The following SLC4A4 variants were observed in gnomAD, a reference collection of about 807,000 sequenced individuals.
SLC4A4 encodes the protein solute carrier family 4 member 4.
SLC4A4 carries 27 observed loss-of-function variants against 111.5 expected under a neutral mutation model. The observed-to-expected ratio is 0.24, with a 90% CI of 0.18 to 0.33. The LOEUF (loss-of-function observed/expected upper bound fraction) is 0.33. SLC4A4 is among the 10% of genes least tolerant of loss of function. The pLI, the probability that SLC4A4 is intolerant of heterozygous loss-of-function variation, is 1.00. For missense variants in SLC4A4, 909 were observed against 1,315.5 expected, an observed-to-expected ratio of 0.69 and a Z score of 4.78; for synonymous variants, 443 against 463.4, an observed-to-expected ratio of 0.96 and a Z score of 0.57.
chr4:71,269,696 TCCTCGTAAGAA>T (rs990095214), intron 3 of SLC4A4, among the ~76,000 whole-genome samples: 1 of 152,230 alleles, frequency 6.6e-6, no homozygotes, highest in African/African-American at 2.4e-5. Flanking sequence ...TTATGTTTAA[TCCTCGTAAGAA>T]CCTTGTGAGA....
At chr4:71,154,422 G>A (rs1744403748) in intron 2 of SLC4A4, among the ~76,000 whole-genome samples, 1 of 152,128 alleles carries the variant, frequency 6.6e-6, no homozygotes, top group African/African-American at 2.4e-5. Context: ...GGGATACACA[G>A]CATAAGAATA....
chr4:71,486,903 T>C, intron 14 of SLC4A4, 45 bp from the exon 15 acceptor site: 1 of 1,258,124 alleles, frequency 7.9e-7, no homozygotes. Context: ...AAGGTCTTTT[T>C]CTATTTTAGT....
chr4:71,530,715 G>C (rs1013481631), intron 16 of SLC4A4, among the ~76,000 whole-genome samples: 26 of 152,076 alleles, frequency 1.7e-4, no homozygotes, highest in African/African-American at 5.8e-4. Flanking sequence ...TAAAGGTCAA[G>C]CATTGAACAC....
At chr4:71,193,062 C>T (rs1024580186) in intron 1 of SLC4A4, among the ~76,000 whole-genome samples, 2 of 152,188 alleles carry the variant, frequency 1.3e-5, no homozygotes, top group East Asian at 3.8e-4. Flanking sequence ...TTTAGAAGAA[C>T]GCCACAGTAC....
chr4:71,349,848 G>T, intron 4 of SLC4A4, 64 bp from the exon 5 acceptor site: 1 of 1,524,968 alleles, frequency 6.6e-7, no homozygotes, highest in East Asian at 2.3e-5. Context: ...GAGGGGTTGA[G>T]ACTGCTATTT....
At chr4:71,241,416 G>A (rs150312343) in intron 2 of SLC4A4, among the ~76,000 whole-genome samples, 1,723 of 152,138 alleles carry the variant, frequency 0.011, 42 homozygotes, top group African/African-American at 0.039. Context: ...ACATTTTACA[G>A]ACATGAAATC....
intron 1 of SLC4A4, among the ~76,000 whole-genome samples, chr4:71,225,502 G>T (rs919542884): frequency 6.6e-6 from 1 of 152,164 alleles, no homozygotes; most frequent in Non-Finnish European, 1.5e-5. Flanking sequence ...CATGTATGTT[G>T]CTTAGCACAC....
chr4:71,413,892 C>A (rs1008136114), intron 7 of SLC4A4, among the ~76,000 whole-genome samples: 11 of 152,110 alleles, frequency 7.2e-5, no homozygotes, highest in Admixed American at 1.3e-4. Flanking sequence ...CTGTGCATCT[C>A]TTCCCCCTTG....
At chr4:71,206,347 A>C (rs1220862089) in intron 1 of SLC4A4, among the ~76,000 whole-genome samples, 1 of 152,224 alleles carries the variant, frequency 6.6e-6, no homozygotes, top group African/African-American at 2.4e-5. Context: ...CTATAGCCAC[A>C]TTTAAATTAT....
At chr4:71,562,113 G>A (rs1280103945) in intron 23 of SLC4A4, among the ~76,000 whole-genome samples, 4 of 151,560 alleles carry the variant, frequency 2.6e-5, no homozygotes, top group Non-Finnish European at 4.4e-5. Context: ...GTGTTTTTTT[G>A]TATTAATATT....
chr4:71,394,594 CAG>C (rs1719627625), intron 6 of SLC4A4, among the ~76,000 whole-genome samples: 1 of 152,028 alleles, frequency 6.6e-6, no homozygotes, highest in South Asian at 2.1e-4. Flanking sequence ...AACTGGAAAA[CAG>C]TGTAGAAATT....
chr4:71,253,891 C>A (rs1430034611), intron 2 of SLC4A4, among the ~76,000 whole-genome samples: 1 of 152,184 alleles, frequency 6.6e-6, no homozygotes, highest in African/African-American at 2.4e-5. Flanking sequence ...CTTTTGAATA[C>A]TAACCCATTC....
At chr4:71,557,032 A>G (rs1736536351) in intron 21 of SLC4A4, among the ~76,000 whole-genome samples, 2 of 151,918 alleles carry the variant, frequency 1.3e-5, no homozygotes, top group East Asian at 1.9e-4. Flanking sequence ...GATGCTCAGT[A>G]GTTATTTCAA....
intron 2 of SLC4A4, among the ~76,000 whole-genome samples, chr4:71,247,699 T>A (rs1031109016): frequency 6.6e-6 from 1 of 152,192 alleles, no homozygotes; most frequent in Non-Finnish European, 1.5e-5. Context: ...TGTTGGAAAC[T>A]GTCAGTTCTC....
At chr4:71,426,448 A>G (rs1723147031) in intron 7 of SLC4A4, among the ~76,000 whole-genome samples, 1 of 152,088 alleles carries the variant, frequency 6.6e-6, no homozygotes, top group South Asian at 2.1e-4. Flanking sequence ...AATAAGGGGG[A>G]TGCTGCTCAA....
rs368633117 is a variant in SLC4A4 at position 71,387,590 on chromosome 4, G to A, written c.731-9987G>A. ...GCTCACCACAACGTCTGTCTCCTGG[G>A]TTCAAGTGATTCTCCTGCCTCAGCC... On this transcript the variant is annotated intron_variant, in intron 6 of 25. Coordinates refer to ENST00000264485, the MANE Select transcript of SLC4A4 (RefSeq NM_001098484.3). Among the ~76,000 whole-genome samples the A allele has an allele frequency of 5.5e-4, 84 of 152,184 alleles. 1 individual carries two copies. The highest frequency in any genetic ancestry group is 1.9e-3 in the African/African-American group (79 of 41,520).
At position 71,218,407 on chromosome 4, in the gene SLC4A4, G is replaced by A. The variant is rs1465935343; in HGVS notation, c.-1-18169G>A. Reference sequence around the variant, plus strand: ...TTTGATGACCTTTCTAAACAAATACGTGTGCTGCTTCCAACTTAATTTTGG... The same window carrying A: ...TTTGATGACCTTTCTAAACAAATACATGTGCTGCTTCCAACTTAATTTTGG... On this transcript the variant is annotated intron_variant, in intron 1 of 25. Coordinates refer to ENST00000264485, the MANE Select transcript of SLC4A4 (RefSeq NM_001098484.3). Among the ~76,000 whole-genome samples the A allele has an allele frequency of 6.6e-5, 10 of 152,076 alleles. 1 individual carries two copies. Among genetic ancestry groups the A allele is most frequent in the Non-Finnish European group, 1.5e-4 (10 of 68,004 alleles).
chr4:71,097,841 C>T (rs2148944384), intron 2 of SLC4A4, among the ~76,000 whole-genome samples: 1 of 152,176 alleles, frequency 6.6e-6, no homozygotes, highest in East Asian at 1.9e-4. Context: ...GGTCTCTGTT[C>T]ATGTCCTTTG....
At position 71,187,394 on chromosome 4, in the gene SLC4A4, C is replaced by G. The variant is rs780593723; in HGVS notation, c.-9C>G. 1 of 152,054 alleles carries G rather than the reference C, an allele frequency of 6.6e-6. No individual in the cohort carries two copies. The allele number at this position is 152,054 out of a possible 1,614,324, so 9.4% of individuals were successfully genotyped here. ...ACTGGAGGAGCGACGGAAGCCAGAC[C>G]CCAGGAGGTGAGCGCCCGGCCCCGG... On this transcript the variant is annotated 5_prime_UTR_variant, in exon 1 of 26. Coordinates refer to ENST00000264485, the MANE Select transcript of SLC4A4 (RefSeq NM_001098484.3).
Sources: allele counts gnomAD v4.1 joint callset (sites outside exome capture counted in the v4.1 genomes callset), GRCh38; gene constraint gnomAD v4.1.1; transcripts MANE v1.5; gene names NCBI Gene and HGNC (gene_info 2026-07-23, HGNC 2026-07-21).